CACNB2: variants seen among roughly 807,000 people sequenced by gnomAD.
The protein encoded by CACNB2 is calcium voltage-gated channel auxiliary subunit beta 2.
Under a neutral mutation model 73.3 loss-of-function variants are expected in CACNB2, and 42 were observed. That is an observed-to-expected ratio of 0.57 (90% confidence interval 0.45 to 0.74). The LOEUF (loss-of-function observed/expected upper bound fraction) is 0.74. CACNB2 is among the 30% of genes least tolerant of loss of function. The pLI, the probability that CACNB2 is intolerant of heterozygous loss-of-function variation, is 0.00. For synonymous variants in CACNB2, 348 were observed against 310.3 expected (o/e 1.12, Z -1.28); for missense variants, 940 against 853.0 (o/e 1.10, Z -1.27).
intron 2 of CACNB2, among the ~76,000 whole-genome samples, chr10:18,264,857 G>A (rs1298692364): frequency 6.6e-6 from 1 of 152,180 alleles, no homozygotes; most frequent in Non-Finnish European, 1.5e-5. Flanking sequence ...TATTGTGAAT[G>A]TTTATGTATG....
intron 2 of CACNB2, among the ~76,000 whole-genome samples, chr10:18,293,729 G>A (rs1306547009): frequency 6.6e-6 from 1 of 152,166 alleles, no homozygotes; most frequent in Non-Finnish European, 1.5e-5. Flanking sequence ...TCTGTACCAG[G>A]TTTGTCCAAA....
At chr10:18,298,156 G>T (rs1413453627) in intron 2 of CACNB2, among the ~76,000 whole-genome samples, 1 of 152,090 alleles carries the variant, frequency 6.6e-6, no homozygotes, top group Non-Finnish European at 1.5e-5. Context: ...ATCACCTGAG[G>T]TCAGGAGTTC....
At chr10:18,207,114 T>G (rs1191611554) in intron 2 of CACNB2, among the ~76,000 whole-genome samples, 1 of 152,162 alleles carries the variant, frequency 6.6e-6, no homozygotes, top group Non-Finnish European at 1.5e-5. Flanking sequence ...GTTCAAGTGA[T>G]TCTCCTGCCT....
In CACNB2 at chr10:18,140,698, C is replaced by CG; in HGVS notation, c.-34dup. The CG allele has an allele frequency of 6.4e-7, 1 of 1,565,896 alleles. No homozygotes were observed. On this transcript the variant is annotated 5_prime_UTR_variant, in exon 1 of 14. Transcript: ENST00000324631. ...GGGCGAGGAGGAGGGGACCCGCCGC[C>CG]GGGGGCTGGCTGCTTCGCTCCGAGC...
chr10:18,327,383 C>A (rs564350374), intron 2 of CACNB2, among the ~76,000 whole-genome samples: 1 of 152,090 alleles, frequency 6.6e-6, no homozygotes, highest in Admixed American at 6.6e-5. Flanking sequence ...GAAATATGCA[C>A]ATCTGGAAAT....
chr10:18,307,923 C>G (rs978290161), intron 2 of CACNB2, among the ~76,000 whole-genome samples: 5 of 148,014 alleles, frequency 3.4e-5, no homozygotes, highest in Admixed American at 6.9e-5. Flanking sequence ...GTGTATTACA[C>G]TGCTTCAGTC....
At chr10:18,517,029 T>C (rs1429941601) in intron 7 of CACNB2, among the ~76,000 whole-genome samples, 1 of 152,220 alleles carries the variant, frequency 6.6e-6, no homozygotes, top group Non-Finnish European at 1.5e-5. Context: ...TGAGGCAATG[T>C]GAATTCAAAT....
At chr10:18,532,681 AAAAAAAAAAAAAAAACAAAAC>A (rs1258152332) in intron 10 of CACNB2, among the ~76,000 whole-genome samples, 5 of 66,116 alleles carry the variant, frequency 7.6e-5, no homozygotes, top group African/African-American at 1.1e-4. Flanking sequence ...TGTCTCAAAA[AAAAAAAAAAAAAAAACAAAAC>A]AAAAAAACAA....
chr10:18,458,276 A>T (rs1439765742), intron 3 of CACNB2, among the ~76,000 whole-genome samples: 2 of 152,224 alleles, frequency 1.3e-5, no homozygotes, highest in Admixed American at 6.5e-5. Context: ...CAAGTTCAAA[A>T]ACAAATTTGG....
At position 18,243,828 on chromosome 10, in the gene CACNB2, C is replaced by A. The variant is rs182811572; in HGVS notation, c.213+92853C>A. Among the ~76,000 whole-genome samples the A allele has an allele frequency of 4.6e-5, 7 of 152,308 alleles. 1 individual carries two copies. Among genetic ancestry groups the A allele is most frequent in the Admixed American group, 1.3e-4 (2 of 15,296 alleles). ...GCCCAATTTTGGACTTTCCAACCAC[C>A]AGAATCATGAGCCAAATAAACCTCT... On this transcript the variant is annotated intron_variant, in intron 2 of 13. Coordinates refer to ENST00000324631, the MANE Select transcript of CACNB2 (RefSeq NM_201596.3).
At chr10:18,254,105 G>A (rs2037189051) in intron 2 of CACNB2, among the ~76,000 whole-genome samples, 1 of 152,186 alleles carries the variant, frequency 6.6e-6, no homozygotes, top group East Asian at 1.9e-4. Flanking sequence ...GGTTATGAGA[G>A]AATCAGGGAG....
At chr10:18,289,791 T>C (rs965083564) in intron 2 of CACNB2, among the ~76,000 whole-genome samples, 18 of 152,104 alleles carry the variant, frequency 1.2e-4, no homozygotes, top group African/African-American at 4.1e-4. Flanking sequence ...AGTTGTTCTA[T>C]CCTTTATAAA....
chr10:18,442,945 T>A lies in CACNB2; in HGVS notation c.333+40902T>A, dbSNP rs1196949241. Among the ~76,000 whole-genome samples, 3 of 24,432 alleles carry A rather than the reference T, an allele frequency of 1.2e-4. 1 individual carries two copies. The highest frequency in any genetic ancestry group is 1.2e-3 in the African/African-American group (3 of 2,566). The allele number at this position is 24,432 out of a possible 152,430, so 16.0% of individuals were successfully genotyped here. A position where few individuals can be genotyped will look rare whatever the true frequency, so the allele number is the denominator to read the frequency against. On this transcript the variant is annotated intron_variant, in intron 3 of 13. Coordinates refer to ENST00000324631, the MANE Select transcript of CACNB2 (RefSeq NM_201596.3). Reference sequence around the variant, plus strand: ...ATATATGTATATATATATATATGTGTATATATATATATGTATATATATATG... The same window carrying A: ...ATATATGTATATATATATATATGTGAATATATATATATGTATATATATATG...
intron 2 of CACNB2, chr10:18,340,640 G>A (rs375988090): frequency 1.5e-5 from 19 of 1,290,228 alleles, no homozygotes; most frequent in African/African-American, 7.5e-5. Flanking sequence ...GCCAGCTGAC[G>A]TAATTCAGAG....
chr10:18,199,624 T>C (rs1271169997), intron 2 of CACNB2, among the ~76,000 whole-genome samples: 1 of 152,152 alleles, frequency 6.6e-6, no homozygotes, highest in Non-Finnish European at 1.5e-5. Flanking sequence ...TGTCAGATCT[T>C]ATAAGGTATA....
intron 9 of CACNB2, among the ~76,000 whole-genome samples, chr10:18,527,381 C>G (rs1402588587): frequency 6.8e-6 from 1 of 146,540 alleles, no homozygotes; most frequent in African/African-American, 2.5e-5. Flanking sequence ...TGTCTCAAAA[C>G]AAACAAAAAA....
rs142060901 is a variant in CACNB2, at chr10:18,339,496, G to A, written c.214-62428G>A. ...AGATCGCGCCACTGCACTACAGCCCGGGCAACACAGCAAGACTCCATCTCT... is the reference window on the plus strand; with the variant it reads ...AGATCGCGCCACTGCACTACAGCCCAGGCAACACAGCAAGACTCCATCTCT... On this transcript the variant is annotated intron_variant, in intron 2 of 13. Coordinates refer to ENST00000324631, the MANE Select transcript of CACNB2 (RefSeq NM_201596.3). Among the ~76,000 whole-genome samples, 1,032 of 152,134 alleles carry A rather than the reference G, an allele frequency of 6.8e-3. 13 individuals carry two copies. Among genetic ancestry groups the A allele is most frequent in the African/African-American group, 0.023 (941 of 41,494 alleles).
chr10:18,184,433 C>T (rs1041360658), intron 2 of CACNB2, among the ~76,000 whole-genome samples: 2 of 152,016 alleles, frequency 1.3e-5, no homozygotes, highest in African/African-American at 4.8e-5. Context: ...ACTCAGTTTC[C>T]CCTATTATTA....
At chr10:18,368,910 G>A (rs2042464115) in intron 2 of CACNB2, among the ~76,000 whole-genome samples, 1 of 152,184 alleles carries the variant, frequency 6.6e-6, no homozygotes, top group Non-Finnish European at 1.5e-5. Flanking sequence ...AAAAAAGAGA[G>A]AGAACCAGTC....
Sources: allele counts gnomAD v4.1 joint callset (sites outside exome capture counted in the v4.1 genomes callset), GRCh38; gene constraint gnomAD v4.1.1; transcripts MANE v1.5; gene names NCBI Gene and HGNC (gene_info 2026-07-23, HGNC 2026-07-21).